Variants in EVC2 observed in about 807,000 individuals in gnomAD.
EVC2 encodes EvC ciliary complex subunit 2, also known as limbin.
EVC2 carries 148 observed loss-of-function variants against 149.3 expected under a neutral mutation model. The ratio of observed to expected loss-of-function variants is 0.99; its 90% CI spans 0.87 to 1.14. The LOEUF (loss-of-function observed/expected upper bound fraction) is 1.14, where lower values mean the gene tolerates loss of function less well. Among genes scored for constraint, EVC2 ranks in the 50% most tolerant of loss-of-function variants. The probability of loss-of-function intolerance (pLI) is 0.00; values close to 1 mark genes in which losing one functional copy is unlikely to be tolerated. For missense variants in EVC2, 1,854 were observed against 1,627.3 expected (o/e 1.14, Z -2.40); for synonymous variants, 776 against 649.9 (o/e 1.19, Z -2.95).
chr4:5,593,589 G>A (rs1396750856), intron 16 of EVC2, among the ~76,000 whole-genome samples: 1 of 152,194 alleles, frequency 6.6e-6, no homozygotes, highest in Non-Finnish European at 1.5e-5. Context: ...AGGGGGTGGA[G>A]CAAAGATGGC....
chr4:5,540,397 T>C (rs890214207), downstream of EVC2, among the ~76,000 whole-genome samples: 8 of 152,348 alleles, frequency 5.3e-5, no homozygotes, highest in African/African-American at 1.9e-4. Context: ...AGCAGGTTTA[T>C]TTGTAATGGC....
At chr4:5,699,758 G>C (rs1405469385) in intron 1 of EVC2, among the ~76,000 whole-genome samples, 1 of 151,956 alleles carries the variant, frequency 6.6e-6, no homozygotes, top group Non-Finnish European at 1.5e-5. Flanking sequence ...AGGAGGTCGA[G>C]GCTGCAGTGA....
intron 21 of EVC2, among the ~76,000 whole-genome samples, chr4:5,552,043 G>T (rs1485591643): frequency 6.6e-6 from 1 of 152,100 alleles, no homozygotes; most frequent in Non-Finnish European, 1.5e-5. Flanking sequence ...CGTGAAAATA[G>T]GGTAATACAC....
At position 5,584,614 on chromosome 4, in the gene EVC2, T is replaced by G. The variant is rs774288170; in HGVS notation, c.3057+9A>C. On this transcript the variant is annotated intron_variant, in intron 17 of 21. Transcript: ENST00000344408. ...CTGTCCCCCTCTCCTTCCCAGCGCC[T>G]GCACTCACCCGGCTGTGCGACTCCA... 3.7e-6 allele frequency: 6 copies of G among 1,611,498 alleles called. No individual in the cohort carries two copies. Among genetic ancestry groups the G allele is most frequent in the Non-Finnish European group, 5.1e-6 (6 of 1,178,978 alleles).
At chr4:5,663,782 G>A (rs189444216) in intron 8 of EVC2, among the ~76,000 whole-genome samples, 1,986 of 152,140 alleles carry the variant, frequency 0.013, 24 homozygotes, top group Middle Eastern at 0.024. Context: ...TTAGCCAGGC[G>A]TGGTGGCAGG....
chr4:5,624,614 G>C (rs1190784656), intron 13 of EVC2, among the ~76,000 whole-genome samples: 1 of 152,160 alleles, frequency 6.6e-6, no homozygotes, highest in Non-Finnish European at 1.5e-5. Context: ...ATCTCCTATA[G>C]GATGTGGAGT....
chr4:5,613,937 C>T lies in EVC2; in HGVS notation c.2829+1485G>A, dbSNP rs933663090. On this transcript the variant is annotated intron_variant, in intron 16 of 21. Transcript: ENST00000344408. This position sits in a 1 kb window ranked among gnomAD's most constrained non-coding sequence, Gnocchi z 4.6. ...ATGGCTCTTGGCGAGATCGTGCATT[C>T]GTGTTCTGAGAAATACACCGGCACT... Among the ~76,000 whole-genome samples, 11 of 152,046 alleles carry T rather than the reference C, an allele frequency of 7.2e-5. No individual in the cohort carries two copies. The highest frequency in any genetic ancestry group is 2.7e-4 in the African/African-American group (11 of 41,384).
At chr4:5,699,652 A>AG (rs1210579720) in intron 1 of EVC2, among the ~76,000 whole-genome samples, 227 of 150,910 alleles carry the variant, frequency 1.5e-3, no homozygotes, top group Non-Finnish European at 2.3e-3. Context: ...CAAAAAAAAA[A>AG]AAAAAAGAAA....
intron 21 of EVC2, among the ~76,000 whole-genome samples, chr4:5,554,875 TACACAAAGAAGGAAATGTA>T (rs2108761102): frequency 6.6e-6 from 1 of 152,312 alleles, no homozygotes; most frequent in South Asian, 2.1e-4. Context: ...AACAAAAAGT[TACACAAAGAAGGAAATGTA>T]TTTAATTCAA....
At chr4:5,644,329 G>A (rs115450456) in intron 9 of EVC2, among the ~76,000 whole-genome samples, 122 of 151,954 alleles carry the variant, frequency 8.0e-4, no homozygotes, top group African/African-American at 2.9e-3. Flanking sequence ...TCTTTTAGAC[G>A]GAGTTTCACT....
At chr4:5,549,070 C>T (rs763266418) in intron 21 of EVC2, among the ~76,000 whole-genome samples, 15 of 146,376 alleles carry the variant, frequency 1.0e-4, no homozygotes, top group Middle Eastern at 3.5e-3. Flanking sequence ...TTTTTTATTA[C>T]CATTATTTAC....
chr4:5,563,985 C>T (rs962048745), intron 21 of EVC2, among the ~76,000 whole-genome samples: 2 of 147,148 alleles, frequency 1.4e-5, no homozygotes, highest in Non-Finnish European at 3.0e-5. Context: ...TGATAATGAT[C>T]GTGACGACCA....
intron 3 of EVC2, among the ~76,000 whole-genome samples, chr4:5,691,567 G>A (rs1721123082): frequency 6.6e-6 from 1 of 152,222 alleles, no homozygotes; most frequent in Admixed American, 6.5e-5. Context: ...TGGTCTGGGT[G>A]CAAGTGTGGG....
At chr4:5,630,643 T>C (rs1441650768) in intron 11 of EVC2, among the ~76,000 whole-genome samples, 1 of 152,214 alleles carries the variant, frequency 6.6e-6, no homozygotes, top group Non-Finnish European at 1.5e-5. Context: ...AGCACAGTGA[T>C]GCACTCATGA....
intron 7 of EVC2, among the ~76,000 whole-genome samples, chr4:5,671,507 CTTTA>C (rs1170292891): frequency 3.3e-5 from 5 of 152,106 alleles, no homozygotes; most frequent in South Asian, 2.1e-4. Flanking sequence ...TCAAACAATA[CTTTA>C]TTTATTTATT....
At chr4:5,597,067 A>G (rs192641094) in intron 16 of EVC2, among the ~76,000 whole-genome samples, 382 of 152,330 alleles carry the variant, frequency 2.5e-3, no homozygotes, top group African/African-American at 8.1e-3. Flanking sequence ...AACTGTGGCA[A>G]TAATCAATAG....
intron 16 of EVC2, among the ~76,000 whole-genome samples, chr4:5,594,884 G>C (rs1713229898): frequency 6.6e-6 from 1 of 152,204 alleles, no homozygotes; most frequent in Non-Finnish European, 1.5e-5. Flanking sequence ...GGAGCTGATG[G>C]AGCTGAAAAC....
chr4:5,669,294 T>C (rs1218288450), intron 7 of EVC2, among the ~76,000 whole-genome samples: 4 of 152,256 alleles, frequency 2.6e-5, no homozygotes, highest in Admixed American at 6.5e-5. Flanking sequence ...TCATATACTT[T>C]ATTTCATTCA....
intron 9 of EVC2, among the ~76,000 whole-genome samples, chr4:5,654,740 C>A (rs1173595466): frequency 3.9e-5 from 6 of 152,196 alleles, no homozygotes. Context: ...TGTAAGGACA[C>A]ACTTCCAGGC....
Sources: gnomAD v4.1 joint callset for allele counts (sites outside exome capture counted in the v4.1 genomes callset) on GRCh38, gnomAD v4.1.1 for gene constraint, Gnocchi (gnomAD v3.1) non-coding constraint, MANE v1.5 for transcripts, NCBI Gene and HGNC (gene_info 2026-07-23, HGNC 2026-07-21) for gene names.